The following ROBO2 variants were observed in gnomAD, a reference collection of about 807,000 sequenced individuals.
The protein encoded by ROBO2 is roundabout homolog 2.
ROBO2 carries 53 observed loss-of-function variants against 160.8 expected under a neutral mutation model. That is an observed-to-expected ratio of 0.33 (90% CI 0.26 to 0.41). The LOEUF (loss-of-function observed/expected upper bound fraction) is 0.41. ROBO2 is among the 10% of genes least tolerant of loss of function. ROBO2 has a pLI of 1.00. For synonymous variants in ROBO2, 664 were observed against 611.7 expected (o/e 1.09, Z -1.26); for missense variants, 1,577 against 1,722.4 (o/e 0.92, Z 1.49).
At chr3:76,089,401 G>A (rs1215842395) in intron 2 of ROBO2, among the ~76,000 whole-genome samples, 1 of 152,006 alleles carries the variant, frequency 6.6e-6, no homozygotes, top group East Asian at 1.9e-4. Context: ...ACAAAACAAT[G>A]TCTCTCAGGA....
chr3:77,123,018 A>G (rs537567045), intron 2 of ROBO2, among the ~76,000 whole-genome samples: 1 of 152,210 alleles, frequency 6.6e-6, no homozygotes, highest in African/African-American at 2.4e-5. Flanking sequence ...TTATTAAAGG[A>G]GAAGAATGGA....
chr3:77,381,267 AT>A (rs2073428831), intron 2 of ROBO2, among the ~76,000 whole-genome samples: 1 of 152,184 alleles, frequency 6.6e-6, no homozygotes, highest in South Asian at 2.1e-4. Flanking sequence ...ATGAGCCGAG[AT>A]CACGCCACTG....
intron 23 of ROBO2, chr3:77,632,339 G>T (rs2095180548): frequency 1.6e-6 from 1 of 627,426 alleles, no homozygotes; most frequent in Non-Finnish European, 2.6e-6. Flanking sequence ...CATGATACTT[G>T]CATTTGGCTA....
chr3:77,519,321 A>T (rs7644826), intron 5 of ROBO2, among the ~76,000 whole-genome samples: 120,445 of 151,276 alleles, frequency 0.8, 48,734 homozygotes, highest in African/African-American at 0.94. Context: ...TTATGTATTT[A>T]GTAATTTTTA....
At chr3:76,123,426 T>A (rs988171700) in intron 2 of ROBO2, among the ~76,000 whole-genome samples, 1 of 152,130 alleles carries the variant, frequency 6.6e-6, no homozygotes, top group African/African-American at 2.4e-5. Flanking sequence ...TATTAATGAG[T>A]TTCTTGTATG....
intron 2 of ROBO2, among the ~76,000 whole-genome samples, chr3:76,030,774 A>G (rs926594558): frequency 4.0e-5 from 6 of 151,892 alleles, no homozygotes; most frequent in Non-Finnish European, 5.9e-5. Flanking sequence ...CTGTAGCCTT[A>G]TAGTATAGTT....
chr3:76,224,581 A>C (rs538672217), intron 2 of ROBO2, among the ~76,000 whole-genome samples: 3 of 152,296 alleles, frequency 2.0e-5, no homozygotes, highest in Admixed American at 2.0e-4. Context: ...AACTACTGTC[A>C]CAGACACATG....
At chr3:76,864,986 T>C (rs1414585771) in intron 2 of ROBO2, among the ~76,000 whole-genome samples, 3 of 152,144 alleles carry the variant, frequency 2.0e-5, no homozygotes, top group Non-Finnish European at 2.9e-5. Flanking sequence ...CATAGCTAAA[T>C]TGAAAGCTCT....
At chr3:77,009,540 C>A (rs1249581834) in intron 2 of ROBO2, among the ~76,000 whole-genome samples, 1 of 152,158 alleles carries the variant, frequency 6.6e-6, no homozygotes, top group African/African-American at 2.4e-5. Context: ...ATGTTCATAA[C>A]ATTTTCTCAC....
intron 11 of ROBO2, chr3:77,564,353 CT>C: frequency 2.5e-6 from 1 of 403,930 alleles, no homozygotes; most frequent in Admixed American, 2.9e-5. Context: ...TTTCACCGTT[CT>C]GAGATGAGAA....
intron 2 of ROBO2, among the ~76,000 whole-genome samples, chr3:77,345,999 T>A (rs1269930119): frequency 6.6e-6 from 1 of 152,170 alleles, no homozygotes; most frequent in Non-Finnish European, 1.5e-5. Context: ...CATACACTAA[T>A]GTGCTTCATT....
At position 76,927,241 on chromosome 3, in the gene ROBO2, C is replaced by T. The variant is rs562023998; in HGVS notation, c.110-170773C>T. Among the ~76,000 whole-genome samples, 10 of 152,080 alleles carry T rather than the reference C, an allele frequency of 6.6e-5. No homozygotes were observed. In the East Asian group the frequency reaches 1.9e-3, roughly 29 times the overall value. On this transcript the variant is annotated intron_variant, in intron 2 of 26. Coordinates refer to the ROBO2 transcript ENST00000487694. ...AGAACTAACATCATGAAATACATTC[C>T]CATAATGTTTGTTGAATAAAAAATT...
chr3:76,670,621 G>A (rs2092229705), intron 2 of ROBO2, among the ~76,000 whole-genome samples: 1 of 151,854 alleles, frequency 6.6e-6, no homozygotes, highest in Admixed American at 6.6e-5. Context: ...AGCATGAAAG[G>A]GTGACTATCT....
At chr3:76,301,935 A>G (rs1342760361) in intron 2 of ROBO2, among the ~76,000 whole-genome samples, 12 of 152,092 alleles carry the variant, frequency 7.9e-5, no homozygotes, top group Non-Finnish European at 8.8e-5. Context: ...CTGTGGATGC[A>G]GAGAACCTTT....
intron 2 of ROBO2, among the ~76,000 whole-genome samples, chr3:77,407,353 A>G (rs1022423405): frequency 1.3e-5 from 2 of 152,170 alleles, no homozygotes; most frequent in Non-Finnish European, 2.9e-5. Context: ...TTAGATATTT[A>G]TATGATCTTA....
intron 2 of ROBO2, among the ~76,000 whole-genome samples, chr3:77,309,458 A>G (rs2063362861): frequency 6.6e-6 from 1 of 152,208 alleles, no homozygotes; most frequent in Non-Finnish European, 1.5e-5. Flanking sequence ...TTGATTATCT[A>G]TGATGTGCCT....
At chr3:77,597,384 T>TC (rs1351082462) in intron 19 of ROBO2, among the ~76,000 whole-genome samples, 1 of 151,904 alleles carries the variant, frequency 6.6e-6, no homozygotes, top group African/African-American at 2.4e-5. Flanking sequence ...GGTGCCAGAG[T>TC]CCTCTCCCTG....
Position 76,973,664 on chromosome 3 carries a change from G to A in ROBO2, c.110-124350G>A, listed in dbSNP as rs570433506. ...ATTAACTACATACACAAGAGACATG[G>A]CATGACTTTTTCTGAACGTTAGATT... On this transcript the variant is annotated intron_variant, in intron 2 of 26. Transcript: ENST00000487694. Among the ~76,000 whole-genome samples, 493 of 152,164 alleles carry A rather than the reference G, an allele frequency of 3.2e-3. 4 individuals carry two copies. Among genetic ancestry groups the A allele is most frequent in the Non-Finnish European group, 5.3e-3 (358 of 68,014 alleles).
At position 77,410,730 on chromosome 3, in the gene ROBO2, TC is replaced by T. The variant is rs1460317145; in HGVS notation, c.389-66683del. ...CTCCTCCTCCTCTTCCTCCTCCTCC[TC>T]TTCCTCCTCCTTTTCCTCCTCCTCT... On this transcript the variant is annotated intron_variant, in intron 2 of 25. Transcript: ENST00000461745. Among the ~76,000 whole-genome samples the T allele has an allele frequency of 5.4e-3, 775 of 142,844 alleles. 3 individuals carry two copies. Among genetic ancestry groups the T allele is most frequent in the East Asian group, 0.016 (69 of 4,390 alleles). The allele number at this position is 142,844 out of a possible 152,430, so 93.7% of individuals were successfully genotyped here. A position where few individuals can be genotyped will look rare whatever the true frequency, so the allele number is the denominator to read the frequency against.
Sources: allele counts gnomAD v4.1 joint callset (sites outside exome capture counted in the v4.1 genomes callset), GRCh38; gene constraint gnomAD v4.1.1; transcripts MANE v1.5; gene names NCBI Gene and HGNC (gene_info 2026-07-23, HGNC 2026-07-21).